Variants in RGS3 observed in about 807,000 individuals in gnomAD.
RGS3 encodes the protein regulator of G protein signaling 3.
RGS3 carries 80 observed loss-of-function variants against 132.6 expected under a neutral mutation model. The ratio of observed to expected loss-of-function variants is 0.60; its 90% CI spans 0.50 to 0.73. The LOEUF is 0.73. Among genes scored for constraint, RGS3 ranks in the 30% least tolerant of loss-of-function variants. The pLI is 0.00. For missense variants in RGS3, 1,382 were observed against 1,530.8 expected (o/e 0.90, Z 1.62); for synonymous variants, 598 against 620.6 (o/e 0.96, Z 0.54).
intron 20 of RGS3, 49 bp downstream of exon 18, chr9:113,584,476 G>A (rs1277737704): frequency 2.0e-6 from 3 of 1,481,534 alleles, no homozygotes; most frequent in Non-Finnish European, 2.7e-6. Context: ...ATGTGGGGAG[G>A]GCTGGCCCAG....
upstream of RGS3, among the ~76,000 whole-genome samples, chr9:113,457,052 T>A (rs1036227358): frequency 6.6e-6 from 1 of 152,194 alleles, no homozygotes; most frequent in Non-Finnish European, 1.5e-5. Flanking sequence ...TACCTCAGCC[T>A]CCCAAAGTGC....
intron 19 of RGS3, among the ~76,000 whole-genome samples, chr9:113,538,407 G>A (rs1036433205): frequency 3.9e-5 from 6 of 152,212 alleles, no homozygotes; most frequent in South Asian, 2.1e-4. Context: ...CTGGGACGTC[G>A]AATGGCTGAA....
At chr9:113,494,082 T>A (rs550831842) in intron 7 of RGS3, among the ~76,000 whole-genome samples, 1 of 152,130 alleles carries the variant, frequency 6.6e-6, no homozygotes, top group East Asian at 1.9e-4. Context: ...AACCAACCTA[T>A]GAATTAGTCC....
At chr9:113,594,117 G>A in intron 21 of RGS3, 1 of 1,613,086 alleles carries the variant, frequency 6.2e-7, no homozygotes, top group African/African-American at 1.3e-5. Flanking sequence ...CCCGGCTTGT[G>A]CCTGGGAGTC....
chr9:113,583,205 C>T (rs1834910443), intron 19 of RGS3: 4 of 645,578 alleles, frequency 6.2e-6, no homozygotes, highest in South Asian at 6.1e-5. Flanking sequence ...GGTTATCTCT[C>T]CCTCTTCTCC....
chr9:113,493,743 G>A (rs145215721), intron 7 of RGS3, among the ~76,000 whole-genome samples: 12 of 152,214 alleles, frequency 7.9e-5, no homozygotes, highest in African/African-American at 2.6e-4. Context: ...TCCCATGCTC[G>A]AACCCCACCT....
rs565853366 is a variant in RGS3, at chr9:113,580,894, A to C, written c.2038-2556A>C. 1.9e-5 allele frequency: 19 copies of C among 985,658 alleles called. No individual in the cohort carries two copies. The South Asian group carries it at 8.0e-4, about 41-fold the overall frequency. The allele number at this position is 985,658 out of a possible 1,614,324, so 61.1% of individuals were successfully genotyped here. ...TGGGCCCCACCCTCACCACCCAGGA[A>C]AGGGGAAATGCGGCCCGCTCCCCAC... On this transcript the variant is annotated intron_variant, in intron 19 of 24. Coordinates refer to ENST00000350696, the Ensembl canonical transcript of RGS3.
chr9:113,461,864 A>C (rs1179455305), intron 2 of RGS3: 1 of 1,612,590 alleles, frequency 6.2e-7, no homozygotes, highest in South Asian at 1.1e-5. Context: ...TGAAGAGGTG[A>C]CTATCATCTC....
At chr9:113,536,828 C>T (rs1411560588) in exon 19 of RGS3, 2 of 1,614,070 alleles carry the variant, frequency 1.2e-6, no homozygotes, top group Non-Finnish European at 1.7e-6. Context: ...TGGAAGCGCA[C>T]TCGCAGGAGC....
chr9:113,446,176 G>C (rs1458833723), intron 1 of RGS3, among the ~76,000 whole-genome samples: 1 of 152,200 alleles, frequency 6.6e-6, no homozygotes, highest in Non-Finnish European at 1.5e-5. Flanking sequence ...TAGAAGTCCA[G>C]AGGAATCTGG....
In RGS3 at chr9:113,523,680, G is replaced by A. The variant is rs143713554; in HGVS notation, c.1870+639G>A. Among the ~76,000 whole-genome samples the A allele has an allele frequency of 9.6e-4, 146 of 152,216 alleles. 2 individuals are homozygous for A. The East Asian group carries it at 0.026, about 27-fold the overall frequency. ...CACTCGTGGGAGGGGAAGCCAGCTG[G>A]GAGTATCTGTCAGTGGTTTGGTTTG... On this transcript the variant is annotated intron_variant, in intron 17 of 24. Transcript: ENST00000350696.
chr9:113,522,421 T>A (rs1831998911), intron 16 of RGS3: 1 of 154,046 alleles, frequency 6.5e-6, no homozygotes, highest in African/African-American at 2.4e-5. Flanking sequence ...AAGCCAATAT[T>A]TTTGTGGCTA....
intron 1 of RGS3, among the ~76,000 whole-genome samples, chr9:113,452,477 G>A (rs983957096): frequency 4.8e-5 from 7 of 146,582 alleles, no homozygotes; most frequent in Non-Finnish European, 1.0e-4. Context: ...TAAGCAATTT[G>A]ATCATGATGT....
At chr9:113,460,551 A>G (rs867037448) in intron 1 of RGS3, among the ~76,000 whole-genome samples, 1 of 152,124 alleles carries the variant, frequency 6.6e-6, no homozygotes, top group East Asian at 1.9e-4. Flanking sequence ...TTTCTTCTGA[A>G]TTAGCTTATT....
intron 1 of RGS3, among the ~76,000 whole-genome samples, chr9:113,451,020 A>G (rs1028303505): frequency 2.0e-5 from 3 of 152,024 alleles, no homozygotes; most frequent in Admixed American, 6.6e-5. Context: ...TCTACTAAAA[A>G]TACAAAAATT....
chr9:113,482,913 G>T lies in RGS3; in HGVS notation c.467-146G>T, dbSNP rs576276052. 53 of 1,515,254 alleles carry T rather than the reference G, an allele frequency of 3.5e-5. No homozygotes were observed. In the African/African-American group the frequency reaches 5.0e-4, roughly 14 times the overall value. 93.9% of individuals were successfully genotyped at this position (1,515,254 alleles called of 1,614,324 possible). A position where few individuals can be genotyped will look rare whatever the true frequency, so the allele number is the denominator to read the frequency against. ...GCAGATTAAGGGCCTAGTAGCAGGGGCCATAGCCCTGCTACTCACAGATAC... is the reference window on the plus strand; with the variant it reads ...GCAGATTAAGGGCCTAGTAGCAGGGTCCATAGCCCTGCTACTCACAGATAC... On this transcript the variant is annotated intron_variant, in intron 4 of 24. Transcript: ENST00000350696.
In RGS3 at chr9:113,579,692, C is replaced by T. The variant is rs910098705; in HGVS notation, c.2038-3758C>T. On this transcript the variant is annotated intron_variant, in intron 19 of 24. Transcript: ENST00000350696. This position sits in a 1 kb window ranked among gnomAD's most constrained non-coding sequence, Gnocchi z 4.3. ...CTCTATCAGAGCAGTCCCCATGCTC[C>T]TTCAAACTAGTTGTCTAACCTCTGT... Among the ~76,000 whole-genome samples, 1 of 152,204 alleles carries T rather than the reference C, an allele frequency of 6.6e-6. No homozygotes were observed. The highest frequency in any genetic ancestry group is 2.4e-5 in the African/African-American group (1 of 41,442).
intron 19 of RGS3, among the ~76,000 whole-genome samples, chr9:113,543,454 G>A (rs933909454): frequency 3.3e-5 from 5 of 152,210 alleles, no homozygotes; most frequent in African/African-American, 1.2e-4. Context: ...ACCCAGCAAG[G>A]GAGTAAACGC....
chr9:113,499,037 G>A (rs1830781122), intron 10 of RGS3, among the ~76,000 whole-genome samples: 1 of 151,628 alleles, frequency 6.6e-6, no homozygotes, highest in Non-Finnish European at 1.5e-5. Context: ...GACCAGCCTG[G>A]CTAATATGGT....
Sources: allele counts gnomAD v4.1 joint callset (sites outside exome capture counted in the v4.1 genomes callset), GRCh38; gene constraint gnomAD v4.1.1; non-coding constraint Gnocchi (gnomAD v3.1); transcripts MANE v1.5; gene names NCBI Gene and HGNC (gene_info 2026-07-23, HGNC 2026-07-21).